Variants in RELN observed in about 807,000 individuals in gnomAD.
RELN encodes reelin.
RELN carries 108 observed loss-of-function variants against 427.6 expected under a neutral mutation model. The ratio of observed to expected loss-of-function variants is 0.25; its 90% CI spans 0.22 to 0.30. The LOEUF (loss-of-function observed/expected upper bound fraction) is 0.30. Ranked by LOEUF, RELN falls within the 10% of genes least tolerant of loss-of-function variation. The pLI is 1.00. For synonymous variants in RELN, 1,524 were observed against 1,513.4 expected (o/e 1.01, Z -0.16); for missense variants, 3,715 against 4,302.8 (o/e 0.86, Z 3.82).
Position 103,573,508 on chromosome 7 carries a change from G to A in RELN, c.4511+584C>T, listed in dbSNP as rs1462306946. ...CACAGGACCCCAGATTTTGTGAGGAGGTCTAAAAATTTTAAACATTTTCTC... is the reference window on the plus strand; with the variant it reads ...CACAGGACCCCAGATTTTGTGAGGAAGTCTAAAAATTTTAAACATTTTCTC... On this transcript the variant is annotated intron_variant, in intron 30 of 64. Coordinates refer to ENST00000428762, the MANE Select transcript of RELN (RefSeq NM_005045.4). The surrounding 1 kb of genome is among the most constrained non-coding windows in gnomAD (Gnocchi z 4.4). Among the ~76,000 whole-genome samples the A allele has an allele frequency of 6.6e-6, 1 of 152,058 alleles. No individual in the cohort carries two copies. The highest frequency in any genetic ancestry group is 1.5e-5 in the Non-Finnish European group (1 of 67,998).
Position 103,844,563 on chromosome 7 carries a change from G to A in RELN, c.338-10891C>T, listed in dbSNP as rs992102604. Among the ~76,000 whole-genome samples, 7 of 152,130 alleles carry A rather than the reference G, an allele frequency of 4.6e-5. No individual in the cohort carries two copies. The South Asian group carries it at 1.2e-3, about 27-fold the overall frequency. ...TCCTATTTTATACAAGTTTAAAGGG[G>A]TTAAGTAAGTTGTCCATATCACTAG... is the stretch of plus-strand genomic sequence containing the variant. On this transcript the variant is annotated intron_variant, in intron 2 of 64. Transcript: ENST00000428762.
At position 103,626,642 on chromosome 7, in the gene RELN, C is replaced by A. The variant is rs1584356216; in HGVS notation, c.2702+3298G>T. 1.3e-5 allele frequency among the ~76,000 whole-genome samples: 2 copies of A among 152,218 alleles called. No homozygotes were observed. Among genetic ancestry groups the A allele is most frequent in the East Asian group, 1.9e-4 (1 of 5,188 alleles). On this transcript the variant is annotated intron_variant, in intron 20 of 64. Coordinates refer to ENST00000428762, the MANE Select transcript of RELN (RefSeq NM_005045.4). This position sits in a 1 kb window ranked among gnomAD's most constrained non-coding sequence, Gnocchi z 4.4. ...CACAAGCCACTGTGCCTGGCCTCAA[C>A]TGTACACATTTTAAAACCCAAACTC...
At chr7:103,775,553 A>C (rs1791716847) in intron 4 of RELN, among the ~76,000 whole-genome samples, 2 of 152,206 alleles carry the variant, frequency 1.3e-5, no homozygotes, top group African/African-American at 4.8e-5. Context: ...AGCAGAGAGA[A>C]AATTAATAGA....
intron 2 of RELN, among the ~76,000 whole-genome samples, chr7:103,841,183 G>C (rs1041323315): frequency 6.6e-6 from 1 of 152,116 alleles, no homozygotes; most frequent in African/African-American, 2.4e-5. Context: ...TTTTGAGTAA[G>C]ACTTTAAAGC....
rs1357298048 is a variant in RELN, at chr7:103,573,702, A to G, written c.4511+390T>C. On this transcript the variant is annotated intron_variant, in intron 30 of 64. Coordinates refer to ENST00000428762, the MANE Select transcript of RELN (RefSeq NM_005045.4). The surrounding 1 kb of genome is among the most constrained non-coding windows in gnomAD (Gnocchi z 4.4). ...TTCTGGGGACCATTTTCAATAAGTG[A>G]ATACAAATCAACTTAGATAAATGAG... Among the ~76,000 whole-genome samples the G allele has an allele frequency of 1.3e-5, 2 of 152,232 alleles. No homozygotes were observed. The highest frequency in any genetic ancestry group is 2.9e-5 in the Non-Finnish European group (2 of 68,044).
chr7:103,650,205 G>T, intron 16 of RELN, 69 bp downstream of exon 16: 1 of 929,840 alleles, frequency 1.1e-6, no homozygotes, highest in Non-Finnish European at 1.8e-6. Flanking sequence ...TTAAGTCTGT[G>T]CTGACGAACA....
chr7:103,720,627 T>C (rs1418569724), intron 8 of RELN, among the ~76,000 whole-genome samples: 1 of 152,164 alleles, frequency 6.6e-6, no homozygotes, highest in Non-Finnish European at 1.5e-5. Flanking sequence ...TAGTTTTTTA[T>C]AACATAATCT....
At chr7:103,653,994 A>T (rs556157932) in intron 13 of RELN, 99 bp downstream of exon 13, 1 of 773,704 alleles carries the variant, frequency 1.3e-6, no homozygotes, top group Admixed American at 1.8e-5. Flanking sequence ...CAGAACAGGG[A>T]TGTATCTTCT....
chr7:103,498,141 G>A lies in RELN; in HGVS notation c.8779C>T (p.Leu2927Phe), dbSNP rs897899082. ...CTCACAGTGGATCCCCCAAAATAGA[G>A]TGCAGTGTCCTCGGCAAGAATTCCA... ...ECGILAEDTA[L>F]YFGGSTVRQA... Residue 2927 changes from leucine to phenylalanine, a missense_variant, in exon 54 of 65, where the codon CTC (leucine) becomes TTC (phenylalanine). By Grantham distance (22) the Leu-to-Phe change is conservative. This residue lies in a region of RELN where 1,310 missense variants were observed against 1,643.0 expected (regional missense o/e 0.80). Transcript: ENST00000428762. The A allele has an allele frequency of 1.2e-5, 19 of 1,613,982 alleles. No individual in the cohort carries two copies. The highest frequency in any genetic ancestry group is 1.5e-5 in the Non-Finnish European group (18 of 1,180,020).
intron 6 of RELN, among the ~76,000 whole-genome samples, chr7:103,744,751 T>G (rs922986789): frequency 2.6e-5 from 4 of 152,110 alleles, no homozygotes; most frequent in Admixed American, 6.5e-5. Context: ...AATAACAGGC[T>G]CTGAAATTGA....
At chr7:103,906,856 A>C (rs1409051525) in intron 2 of RELN, among the ~76,000 whole-genome samples, 1 of 152,224 alleles carries the variant, frequency 6.6e-6, no homozygotes, top group African/African-American at 2.4e-5. Context: ...TCTGAGCCAC[A>C]GAACAGGCTA....
At chr7:103,678,984 A>T (rs977234368) in intron 11 of RELN, among the ~76,000 whole-genome samples, 25 of 152,318 alleles carry the variant, frequency 1.6e-4, no homozygotes, top group African/African-American at 5.8e-4. Context: ...TTACTACCAA[A>T]TTTTTAATCT....
chr7:103,553,643 A>C lies in RELN; in HGVS notation c.5969+17T>G, dbSNP rs183438271. ...TGTATACAGCAGTGGTTTTATTTTT[A>C]GATTCTTAATACTTACGGTGCCCCC... On this transcript the variant is annotated intron_variant, in intron 39 of 64. Transcript: ENST00000428762. 5.4e-5 allele frequency: 87 copies of C among 1,613,762 alleles called. 1 individual carries two copies. The highest frequency in any genetic ancestry group is 2.5e-6 in the Non-Finnish European group (3 of 1,179,692).
Position 103,596,617 on chromosome 7 carries a change from C to A in RELN, c.3378G>T (p.Trp1126Cys). 6.2e-7 allele frequency: 1 copy of A among 1,614,060 alleles called. No homozygotes were observed. Among genetic ancestry groups the A allele is most frequent in the Admixed American group, 1.7e-5 (1 of 59,996 alleles). Residue 1126 changes from tryptophan to cysteine, a missense_variant, in exon 25 of 65, where the codon TGG becomes TGT. By Grantham distance (215) the Trp-to-Cys change is radical (BLOSUM62 -2). Around this residue, in one of 4 missense-constraint regions of RELN, gnomAD observed 2,208 missense variants for 2,361.7 expected, o/e 0.93. Coordinates refer to ENST00000428762, the MANE Select transcript of RELN (RefSeq NM_005045.4). Reference sequence around the variant, plus strand: ...GGATGTAGAACTGGACAAAGTCCACCCAAGAAGTATCCAGGTCCCAACTCA... The same window carrying A: ...GGATGTAGAACTGGACAAAGTCCACACAAGAAGTATCCAGGTCCCAACTCA... ...QLVSWDLDTS[W>C]VDFVQFYIQI... is the part of the protein sequence containing the mutation.
intron 4 of RELN, among the ~76,000 whole-genome samples, chr7:103,766,909 C>T (rs1791437712): frequency 6.6e-6 from 1 of 152,200 alleles, no homozygotes; most frequent in African/African-American, 2.4e-5. Flanking sequence ...TAGCCGCTTC[C>T]ATCAACACAA....
Position 103,651,649 on chromosome 7 carries a change from G to GAATGTACTCACCCACTGTAGTTTTC in RELN, c.1879_1892+11dup. The GAATGTACTCACCCACTGTAGTTTTC allele has an allele frequency of 2.5e-6, 4 of 1,609,550 alleles. No homozygotes were observed. The highest frequency in any genetic ancestry group is 3.4e-6 in the Non-Finnish European group (4 of 1,176,592). On this transcript the variant is annotated intron_variant, in intron 15 of 64. Coordinates refer to ENST00000428762, the MANE Select transcript of RELN (RefSeq NM_005045.4). Reference sequence around the variant, plus strand: ...TTCAAGTATTTCAATATCTCAGAGAGAATGTACTCACCCACTGTAGTTTTC... The same window carrying GAATGTACTCACCCACTGTAGTTTTC: ...TTCAAGTATTTCAATATCTCAGAGAGAATGTACTCACCCACTGTAGTTTTCAATGTACTCACCCACTGTAGTTTTC...
chr7:103,631,186 T>C (rs986274233), intron 19 of RELN, among the ~76,000 whole-genome samples: 4 of 151,836 alleles, frequency 2.6e-5, no homozygotes, highest in Admixed American at 2.0e-4. Flanking sequence ...GTAGGACTTG[T>C]TGCAATAGAA....
rs966475907 is a variant in RELN at position 103,989,613 on chromosome 7, C to G, written c.-257G>C. On this transcript the variant is annotated 5_prime_UTR_variant, in exon 1 of 65. Transcript: ENST00000428762. This position sits in a 1 kb window ranked among gnomAD's most constrained non-coding sequence, Gnocchi z 4.9. ...CCGAGAGCGCGTCGTCTGCCGCCTC[C>G]GTGCGCCGCCGCCGCCTCTGCGCGA... is the stretch of plus-strand genomic sequence containing the variant. 1.6e-4 allele frequency: 58 copies of G among 359,732 alleles called. No homozygotes were observed. Among genetic ancestry groups the G allele is most frequent in the Admixed American group, 1.2e-3 (25 of 20,446 alleles). The allele number at this position is 359,732 out of a possible 1,614,324, so 22.3% of individuals were successfully genotyped here.
intron 2 of RELN, among the ~76,000 whole-genome samples, chr7:103,847,386 G>A (rs1435799686): frequency 2.0e-5 from 3 of 152,128 alleles, no homozygotes; most frequent in Admixed American, 6.6e-5. Flanking sequence ...CGGACACAGG[G>A]AGGGAAACAT....
Sources: allele counts gnomAD v4.1 joint callset (sites outside exome capture counted in the v4.1 genomes callset), GRCh38; gene constraint gnomAD v4.1.1; regional missense constraint gnomAD v4.1.1; non-coding constraint Gnocchi (gnomAD v3.1); transcripts MANE v1.5; gene names NCBI Gene and HGNC (gene_info 2026-07-23, HGNC 2026-07-21).